Variants in COBL observed in about 807,000 individuals in gnomAD.
COBL encodes the protein cordon-bleu WH2 repeat protein, also known as protein cordon-bleu.
A neutral mutation model predicts 98.8 loss-of-function variants in COBL; 51 were observed. The ratio of observed to expected loss-of-function variants is 0.52; its 90% CI spans 0.41 to 0.65. The LOEUF (loss-of-function observed/expected upper bound fraction) is 0.65. COBL is among the 30% of genes least tolerant of loss of function. The pLI is 0.00. For synonymous variants in COBL, 634 were observed against 651.7 expected, an observed-to-expected ratio of 0.97 and a Z score of 0.41; for missense variants, 1,617 against 1,617.5, an observed-to-expected ratio of 1.00 and a Z score of 0.01.
At chr7:51,280,243 G>C (rs1799696375) in intron 1 of COBL, among the ~76,000 whole-genome samples, 1 of 152,120 alleles carries the variant, frequency 6.6e-6, no homozygotes, top group Admixed American at 6.5e-5. Context: ...TAGACAGAGA[G>C]AGCTACAAGA....
intron 5 of COBL, among the ~76,000 whole-genome samples, chr7:51,179,707 A>G (rs777819933): frequency 2.0e-5 from 3 of 152,198 alleles, no homozygotes; most frequent in Non-Finnish European, 4.4e-5. Context: ...GAAGAAGATC[A>G]CAAAAAGCAC....
At chr7:51,191,660 G>C (rs549846452) in intron 3 of COBL, among the ~76,000 whole-genome samples, 2 of 151,596 alleles carry the variant, frequency 1.3e-5, no homozygotes, top group South Asian at 4.1e-4. Context: ...CTACACACAC[G>C]TATTTAAGCT....
At chr7:51,156,249 T>A (rs1407430441) in intron 5 of COBL, 1 of 984,806 alleles carries the variant, frequency 1.0e-6, no homozygotes, top group East Asian at 1.1e-4. Flanking sequence ...AATTCCTTTC[T>A]TACCCTTTTA....
At chr7:51,068,130 G>A (rs1375544751) in intron 7 of COBL, among the ~76,000 whole-genome samples, 2 of 152,156 alleles carry the variant, frequency 1.3e-5, no homozygotes, top group African/African-American at 2.4e-5. Flanking sequence ...CCTCCTCTCA[G>A]CTACTTTTGG....
intron 1 of COBL, among the ~76,000 whole-genome samples, chr7:51,299,227 G>C (rs1472849962): frequency 6.6e-6 from 1 of 152,078 alleles, no homozygotes; most frequent in Non-Finnish European, 1.5e-5. Context: ...AGACACTAAC[G>C]AATGCGTGAG....
intron 6 of COBL, among the ~76,000 whole-genome samples, chr7:51,115,844 G>T (rs981090676): frequency 2.0e-5 from 3 of 152,058 alleles, no homozygotes; most frequent in Admixed American, 1.3e-4. Flanking sequence ...GATGGTGGAT[G>T]TGTCTATTTC....
intron 5 of COBL, among the ~76,000 whole-genome samples, chr7:51,173,110 GT>G (rs1250600055): frequency 6.6e-6 from 1 of 152,046 alleles, no homozygotes; most frequent in Non-Finnish European, 1.5e-5. Context: ...TTTTAAAACA[GT>G]AGTGGGCCTG....
At chr7:51,160,342 ATATTGT>A (rs1786666952) in intron 5 of COBL, among the ~76,000 whole-genome samples, 1 of 152,242 alleles carries the variant, frequency 6.6e-6, no homozygotes, top group African/African-American at 2.4e-5. Flanking sequence ...CCATAATAAC[ATATTGT>A]TATTTGTTGT....
At chr7:51,140,304 C>T (rs1799613827) in intron 5 of COBL, among the ~76,000 whole-genome samples, 1 of 152,144 alleles carries the variant, frequency 6.6e-6, no homozygotes, top group African/African-American at 2.4e-5. Context: ...GCAAAACTCT[C>T]TGTGTCCATG....
chr7:51,026,569 T>C lies in COBL; in HGVS notation c.3481A>G (p.Ser1161Gly). Residue 1161 changes from serine (S) to glycine (G), a missense_variant, in exon 11 of 13, where the codon AGC becomes GGC. Transcript: ENST00000265136. ...ACCTTCCTCAGGCTGCAGGTGCCGC[T>C]GTGCCCGCGGATAGCTGCCAGCAGT... is the stretch of plus-strand genomic sequence containing the variant. ...SALLAAIRGH[S>G]GTCSLRKVAS... is the part of the protein sequence containing the mutation. 3.7e-6 allele frequency: 6 copies of C among 1,614,156 alleles called. No individual in the cohort carries two copies. Among genetic ancestry groups the C allele is most frequent in the Non-Finnish European group, 5.1e-6 (6 of 1,180,034 alleles).
chr7:51,172,616 GC>G, intron 5 of COBL: 1 of 935,992 alleles, frequency 1.1e-6, no homozygotes, highest in South Asian at 1.7e-5. Context: ...AGGCAAAAAT[GC>G]CAGTGTGGCC....
At chr7:51,197,679 T>C (rs938564498) in intron 2 of COBL, among the ~76,000 whole-genome samples, 11 of 152,340 alleles carry the variant, frequency 7.2e-5, no homozygotes, top group African/African-American at 2.6e-4. Context: ...GAAACTGCTT[T>C]ATGAGTCAGA....
chr7:51,127,823 T>C (rs1003110204), intron 6 of COBL, among the ~76,000 whole-genome samples: 3 of 152,172 alleles, frequency 2.0e-5, no homozygotes, highest in Non-Finnish European at 2.9e-5. Flanking sequence ...CAATGTGCCA[T>C]TGAGTTACCA....
chr7:51,189,852 A>AT (rs1167243455), intron 4 of COBL, among the ~76,000 whole-genome samples: 1 of 152,236 alleles, frequency 6.6e-6, no homozygotes, highest in Non-Finnish European at 1.5e-5. Context: ...GTCAAGGAAT[A>AT]TAACATTTCC....
intron 7 of COBL, among the ~76,000 whole-genome samples, chr7:51,054,835 A>G (rs551001139): frequency 1.1e-4 from 17 of 152,382 alleles, no homozygotes; most frequent in African/African-American, 3.8e-4. Flanking sequence ...TTTTCGGGGC[A>G]CATCACCCAT....
Position 51,017,301 on chromosome 7 carries a change from T to C in COBL, c.*250A>G, listed in dbSNP as rs1562792784. Reference sequence around the variant, plus strand: ...CCCATTAACCTGCCAACAAGAATCGTTTATTAGCAACTTAAGATATTCAGA... The same window carrying C: ...CCCATTAACCTGCCAACAAGAATCGCTTATTAGCAACTTAAGATATTCAGA... On this transcript the variant is annotated 3_prime_UTR_variant, in exon 13 of 13. Coordinates refer to ENST00000265136, the MANE Select transcript of COBL (RefSeq NM_015198.5). The C allele has an allele frequency of 6.8e-6, 4 of 590,856 alleles. No homozygotes were observed. The highest frequency in any genetic ancestry group is 1.2e-5 in the Non-Finnish European group (4 of 331,982). The allele number at this position is 590,856 out of a possible 1,614,324, so 36.6% of individuals were successfully genotyped here. A position where few individuals can be genotyped will look rare whatever the true frequency, so the allele number is the denominator to read the frequency against.
At chr7:51,149,987 T>C (rs556852023) in intron 5 of COBL, among the ~76,000 whole-genome samples, 2 of 152,182 alleles carry the variant, frequency 1.3e-5, no homozygotes, top group Non-Finnish European at 2.9e-5. Context: ...ATGTTTTCTT[T>C]ACTTCCATTA....
At chr7:51,054,037 T>G (rs1790487027) in intron 7 of COBL, among the ~76,000 whole-genome samples, 1 of 152,048 alleles carries the variant, frequency 6.6e-6, no homozygotes. Flanking sequence ...AAAAATTAGC[T>G]GGAAGTGGTG....
intron 6 of COBL, among the ~76,000 whole-genome samples, chr7:51,125,095 G>A (rs1460737332): frequency 6.6e-6 from 1 of 152,220 alleles, no homozygotes; most frequent in East Asian, 1.9e-4. Flanking sequence ...TTACAGGCGT[G>A]AGCCACGGTG....
Sources: gnomAD v4.1 joint callset for allele counts (sites outside exome capture counted in the v4.1 genomes callset) on GRCh38, gnomAD v4.1.1 for gene constraint, MANE v1.5 for transcripts, NCBI Gene and HGNC (gene_info 2026-07-23, HGNC 2026-07-21) for gene names.